Variants in SMARCB1 observed in about 807,000 individuals in gnomAD.
The protein encoded by SMARCB1 is SWI/SNF-related matrix-associated actin-dependent regulator of chromatin subfamily B member 1.
A neutral mutation model predicts 49.0 loss-of-function variants in SMARCB1; 5 were observed. The observed-to-expected ratio is 0.10, with a 90% CI of 0.05 to 0.21. SMARCB1 has a LOEUF of 0.21. Among genes scored for constraint, SMARCB1 ranks in the 10% least tolerant of loss-of-function variants. The pLI, the probability that SMARCB1 is intolerant of heterozygous loss-of-function variation, is 1.00. For synonymous variants in SMARCB1, 201 were observed against 200.1 expected (o/e 1.00, Z -0.04); for missense variants, 226 against 509.2 (o/e 0.44, Z 5.35).
intron 6 of SMARCB1, among the ~76,000 whole-genome samples, chr22:23,822,607 G>T (rs2030151577): frequency 6.6e-6 from 1 of 152,130 alleles, no homozygotes; most frequent in Non-Finnish European, 1.5e-5. Flanking sequence ...CTGTCCAAAG[G>T]CCTCAGGGCC....
At chr22:23,828,895 C>G (rs1399302187) in intron 7 of SMARCB1, among the ~76,000 whole-genome samples, 2 of 152,202 alleles carry the variant, frequency 1.3e-5, no homozygotes, top group African/African-American at 4.8e-5. Flanking sequence ...ACAGCCTGTT[C>G]CCTTTGGCAG....
intron 5 of SMARCB1, among the ~76,000 whole-genome samples, chr22:23,812,180 G>A (rs987352422): frequency 2.0e-5 from 3 of 152,162 alleles, no homozygotes; most frequent in African/African-American, 7.2e-5. Flanking sequence ...AAATGGCCAG[G>A]CACGGTGGCT....
intron 3 of SMARCB1, among the ~76,000 whole-genome samples, chr22:23,797,609 C>CTTTT (rs71184910): frequency 0.055 from 1,979 of 36,296 alleles, 775 homozygotes; most frequent in Non-Finnish European, 0.065. Flanking sequence ...TGCGCCTGGC[C>CTTTT]TTTTTTTTTT....
intron 3 of SMARCB1, among the ~76,000 whole-genome samples, 188 bp from the exon 4 acceptor site, chr22:23,800,756 C>T (rs1180914169): frequency 6.6e-6 from 1 of 152,162 alleles, no homozygotes; most frequent in African/African-American, 2.4e-5. Flanking sequence ...TGCCCTTGCC[C>T]AGGTGCCTCT....
At position 23,795,004 on chromosome 22, in the gene SMARCB1, A is replaced by G. The variant is rs560131052; in HGVS notation, c.362+1316A>G. Among the ~76,000 whole-genome samples the G allele has an allele frequency of 1.6e-4, 24 of 152,350 alleles. No individual in the cohort carries two copies. In the South Asian group the frequency reaches 4.8e-3, roughly 30 times the overall value. On this transcript the variant is annotated intron_variant, in intron 3 of 8. Transcript: ENST00000644036. ...AGTTACGATGTTGTATCTAGAATCTATACATCTAGATTTATACAACAAACT... is the reference window on the plus strand; with the variant it reads ...AGTTACGATGTTGTATCTAGAATCTGTACATCTAGATTTATACAACAAACT...
At position 23,822,686 on chromosome 22, in the gene SMARCB1, G is replaced by A. The variant is rs114926925; in HGVS notation, c.796-2539G>A. Among the ~76,000 whole-genome samples, 352 of 152,222 alleles carry A rather than the reference G, an allele frequency of 2.3e-3. 1 individual carries two copies. Among genetic ancestry groups the A allele is most frequent in the African/African-American group, 8.0e-3 (333 of 41,534 alleles). On this transcript the variant is annotated intron_variant, in intron 6 of 8. Coordinates refer to ENST00000644036, the MANE Select transcript of SMARCB1 (RefSeq NM_003073.5). ...CCTTTTCCCCTCACTGGGCAGATCCGGGTACCAGACCTTGGCTCCTCAGTC... is the reference window on the plus strand; with the variant it reads ...CCTTTTCCCCTCACTGGGCAGATCCAGGTACCAGACCTTGGCTCCTCAGTC...
chr22:23,798,693 C>T (rs1928926331), intron 3 of SMARCB1, among the ~76,000 whole-genome samples: 1 of 152,148 alleles, frequency 6.6e-6, no homozygotes, highest in Non-Finnish European at 1.5e-5. Flanking sequence ...TGCCCTCCCC[C>T]ACCCTCTGGA....
At chr22:23,818,136 G>GT (rs2029884000) in intron 6 of SMARCB1, 1 of 42,728 alleles carries the variant, frequency 2.3e-5, no homozygotes, top group African/African-American at 1.4e-4. Flanking sequence ...GAAATACTTT[G>GT]GGTGTGTGTG....
chr22:23,833,276 C>A (rs1343235601), intron 7 of SMARCB1, among the ~76,000 whole-genome samples: 1 of 152,182 alleles, frequency 6.6e-6, no homozygotes, highest in Non-Finnish European at 1.5e-5. Flanking sequence ...TGTCAAGGAC[C>A]ACCTCCACAG....
At chr22:23,796,383 C>G (rs1013435761) in intron 3 of SMARCB1, among the ~76,000 whole-genome samples, 1 of 145,806 alleles carries the variant, frequency 6.9e-6, no homozygotes, top group Admixed American at 6.6e-5. Flanking sequence ...TGCAGTGACC[C>G]GAGACGGGTC....
chr22:23,829,443 CT>C (rs2030545570), intron 7 of SMARCB1, among the ~76,000 whole-genome samples: 1 of 152,156 alleles, frequency 6.6e-6, no homozygotes, highest in Admixed American at 6.5e-5. Flanking sequence ...ACCAGCAGTC[CT>C]ACACGTACAG....
intron 5 of SMARCB1, chr22:23,803,638 A>G: frequency 1.6e-6 from 1 of 644,038 alleles, no homozygotes. Flanking sequence ...CTTTCCCCAT[A>G]CTGAGGTTGG....
intron 3 of SMARCB1, among the ~76,000 whole-genome samples, chr22:23,797,192 G>C (rs1928812834): frequency 6.7e-6 from 1 of 149,398 alleles, no homozygotes; most frequent in Non-Finnish European, 1.5e-5. Context: ...TAGAGACGGG[G>C]TTTCACCGTG....
chr22:23,798,096 C>CT (rs3838150), intron 3 of SMARCB1, among the ~76,000 whole-genome samples: 13,505 of 152,196 alleles, frequency 0.089, 776 homozygotes, highest in East Asian at 0.17. Context: ...AGCCCAGGCT[C>CT]TAACGTATCC....
Position 23,787,259 on chromosome 22 carries a change from C to G in SMARCB1, c.90C>G (p.Ser30=), listed in dbSNP as rs761868468. ...ACGGCGAGTTCTACATGATCGGCTC[C>G]GAGGTAGCCCGGGGCGCGTTCTCGC... is the stretch of plus-strand genomic sequence containing the variant. ...EDDGEFYMIG[S]EVGNYLRMFR... The change falls in exon 1 of 9, where the codon TCC becomes TCG. Residue 30 remains serine (S), a synonymous_variant. Transcript: ENST00000644036. 6.3e-7 allele frequency: 1 copy of G among 1,587,798 alleles called. No individual in the cohort carries two copies. The highest frequency in any genetic ancestry group is 1.4e-5 in the African/African-American group (1 of 73,136).
chr22:23,814,787 G>T (rs919494101), intron 5 of SMARCB1, among the ~76,000 whole-genome samples: 1 of 148,678 alleles, frequency 6.7e-6, no homozygotes, highest in African/African-American at 2.5e-5. Flanking sequence ...CTTGACCAAC[G>T]TGGAGAAACC....
chr22:23,805,591 C>T (rs988276347), intron 5 of SMARCB1, among the ~76,000 whole-genome samples: 106 of 152,126 alleles, frequency 7.0e-4, no homozygotes, highest in African/African-American at 2.4e-3. Context: ...CCACAACTTC[C>T]GCCTCCCAGG....
intron 7 of SMARCB1, among the ~76,000 whole-genome samples, chr22:23,831,439 G>A (rs540111819): frequency 4.6e-5 from 7 of 152,218 alleles, no homozygotes; most frequent in African/African-American, 1.7e-4. Context: ...TGGCGGCTTC[G>A]AAGCCCGTGA....
intron 5 of SMARCB1, among the ~76,000 whole-genome samples, chr22:23,807,116 C>A (rs1929543814): frequency 6.6e-6 from 1 of 152,066 alleles, no homozygotes; most frequent in Admixed American, 6.5e-5. Flanking sequence ...GATGAGTTGC[C>A]TAACCAGAAC....
Sources: gnomAD v4.1 joint callset for allele counts (sites outside exome capture counted in the v4.1 genomes callset) on GRCh38, gnomAD v4.1.1 for gene constraint, MANE v1.5 for transcripts, NCBI Gene and HGNC (gene_info 2026-07-23, HGNC 2026-07-21) for gene names.